SGCG: variants seen among roughly 807,000 people sequenced by gnomAD.
SGCG encodes the protein sarcoglycan gamma, also known as gamma-sarcoglycan.
A neutral mutation model predicts 29.3 loss-of-function variants in SGCG; 26 were observed. That is an observed-to-expected ratio of 0.89 (90% CI 0.65 to 1.23). The LOEUF is 1.23. Ranked by LOEUF, SGCG falls within the 50% of genes most tolerant of loss-of-function variation. The probability of loss-of-function intolerance (pLI) is 0.00; values close to 1 mark genes in which losing one functional copy is unlikely to be tolerated. For missense variants in SGCG, 353 were observed against 356.0 expected (o/e 0.99, Z 0.07); for synonymous variants, 145 against 129.7 (o/e 1.12, Z -0.80).
At chr13:23,209,804 C>G (rs966313165) in intron 2 of SGCG, among the ~76,000 whole-genome samples, 2 of 152,202 alleles carry the variant, frequency 1.3e-5, no homozygotes, top group African/African-American at 4.8e-5. Context: ...ATTTTCAGCT[C>G]TCTTCATAAA....
At chr13:23,198,704 G>T (rs1877615010) in intron 1 of SGCG, among the ~76,000 whole-genome samples, 1 of 151,860 alleles carries the variant, frequency 6.6e-6, no homozygotes, top group Admixed American at 6.6e-5. Context: ...AAATTAGCTG[G>T]ATGTGGTGGC....
intron 3 of SGCG, among the ~76,000 whole-genome samples, chr13:23,248,661 T>C (rs35421954): frequency 0.21 from 30,898 of 146,568 alleles, 3,233 homozygotes; most frequent in South Asian, 0.33. Flanking sequence ...GCCACTGCAC[T>C]CCAGCCTGGG....
At chr13:23,226,379 A>C (rs748901015) in intron 2 of SGCG, among the ~76,000 whole-genome samples, 21 of 152,178 alleles carry the variant, frequency 1.4e-4, no homozygotes, top group Non-Finnish European at 2.8e-4. Flanking sequence ...AAAACCAAGA[A>C]AAATATATCT....
At chr13:23,294,017 C>T (rs1881815324) in intron 5 of SGCG, among the ~76,000 whole-genome samples, 1 of 152,170 alleles carries the variant, frequency 6.6e-6, no homozygotes, top group Non-Finnish European at 1.5e-5. Flanking sequence ...AGCTCCTCAA[C>T]TTGCAATGGC....
rs1878965430 is a variant in SGCG at position 23,227,931 on chromosome 13, C to T, written c.196-6680C>T. On this transcript the variant is annotated intron_variant, in intron 2 of 7. Transcript: ENST00000218867. ...GCTCAAGGGATCCTCCCCGCTCAGC[C>T]TCCAGAGTACCTGAGACTACAGGCA... Among the ~76,000 whole-genome samples the T allele has an allele frequency of 1.3e-5, 2 of 152,170 alleles. 1 individual carries two copies. Among genetic ancestry groups the T allele is most frequent in the South Asian group, 4.1e-4 (2 of 4,820 alleles).
chr13:23,194,720 C>A lies in SGCG; in HGVS notation c.1-8975C>A, dbSNP rs557612755. Reference sequence around the variant, plus strand: ...GGATTGATGACATACCCTGATTGGTCAGCATGTACCACATACACACCTGTG... The same window carrying A: ...GGATTGATGACATACCCTGATTGGTAAGCATGTACCACATACACACCTGTG... On this transcript the variant is annotated intron_variant, in intron 1 of 7. Coordinates refer to ENST00000218867, the MANE Select transcript of SGCG (RefSeq NM_000231.3). Among the ~76,000 whole-genome samples, 16 of 152,316 alleles carry A rather than the reference C, an allele frequency of 1.1e-4. No homozygotes were observed. In the South Asian group the frequency reaches 3.3e-3, roughly 32 times the overall value.
At chr13:23,274,117 A>G (rs1403224410) in intron 4 of SGCG, among the ~76,000 whole-genome samples, 1 of 152,120 alleles carries the variant, frequency 6.6e-6, no homozygotes, top group Non-Finnish European at 1.5e-5. Flanking sequence ...CTTTTTTGTC[A>G]TATTTAACGC....
At chr13:23,305,554 T>C (rs1207097903) in intron 6 of SGCG, among the ~76,000 whole-genome samples, 9 of 152,252 alleles carry the variant, frequency 5.9e-5, no homozygotes, top group Non-Finnish European at 1.0e-4. Flanking sequence ...ATGTCCTCAA[T>C]GCAATGTGAG....
rs948028478 is a variant in SGCG, at chr13:23,324,618, A to G, written c.*77A>G. 77 of 1,320,472 alleles carry G rather than the reference A, an allele frequency of 5.8e-5. No individual in the cohort carries two copies. In the African/African-American group the frequency reaches 1.0e-3, roughly 17 times the overall value. 81.8% of individuals were successfully genotyped at this position (1,320,472 alleles called of 1,614,324 possible). On this transcript the variant is annotated 3_prime_UTR_variant, in exon 8 of 8. Coordinates refer to ENST00000218867, the MANE Select transcript of SGCG (RefSeq NM_000231.3). ...ACCCAGGGAGCAGCTGCACATCGTG[A>G]AAGACTGAGGCAGCGTGGATGGGAA... is the stretch of plus-strand genomic sequence containing the variant.
chr13:23,197,483 C>G (rs1379319605), intron 1 of SGCG, among the ~76,000 whole-genome samples: 1 of 152,106 alleles, frequency 6.6e-6, no homozygotes, highest in Non-Finnish European at 1.5e-5. Context: ...TTTGCTAAGC[C>G]CTCAGTCAGC....
intron 2 of SGCG, among the ~76,000 whole-genome samples, chr13:23,208,265 T>C (rs1387929440): frequency 6.6e-6 from 1 of 152,144 alleles, no homozygotes; most frequent in African/African-American, 2.4e-5. Flanking sequence ...GGCATGGCTT[T>C]CTCTGCTCAG....
intron 6 of SGCG, among the ~76,000 whole-genome samples, chr13:23,317,277 C>CTT (rs1882852353): frequency 6.6e-6 from 1 of 152,178 alleles, no homozygotes; most frequent in South Asian, 2.1e-4. Flanking sequence ...ATTAGGGCAT[C>CTT]TCTTAGTATT....
At chr13:23,279,976 C>T (rs1364149435) in intron 5 of SGCG, among the ~76,000 whole-genome samples, 1 of 152,136 alleles carries the variant, frequency 6.6e-6, no homozygotes, top group Non-Finnish European at 1.5e-5. Flanking sequence ...GATTCACCCA[C>T]CTTGGCCTCC....
At chr13:23,243,524 A>G (rs1300066898) in intron 3 of SGCG, 1 of 152,288 alleles carries the variant, frequency 6.6e-6, no homozygotes, top group African/African-American at 2.4e-5. Context: ...CGTGGAAAGC[A>G]GAAAAAGAAA....
chr13:23,273,163 G>A (rs1880930657), intron 4 of SGCG, among the ~76,000 whole-genome samples: 1 of 148,204 alleles, frequency 6.7e-6, no homozygotes, highest in South Asian at 2.2e-4. Context: ...CTATTTCTAG[G>A]CTTTTGAATT....
intron 1 of SGCG, among the ~76,000 whole-genome samples, chr13:23,189,221 G>A (rs1324339423): frequency 6.6e-6 from 1 of 152,226 alleles, no homozygotes; most frequent in Non-Finnish European, 1.5e-5. Context: ...CTGTCGTCCA[G>A]GCTGGAGTGC....
chr13:23,247,975 G>GT (rs1391571778), intron 3 of SGCG, among the ~76,000 whole-genome samples: 1 of 124,894 alleles, frequency 8.0e-6, no homozygotes, highest in Non-Finnish European at 1.7e-5. Flanking sequence ...AAAAAAAAAA[G>GT]TTTTTTAACA....
chr13:23,279,584 A>G (rs1239748665), intron 5 of SGCG, 106 bp downstream of exon 5: 1 of 1,158,490 alleles, frequency 8.6e-7, no homozygotes, highest in Non-Finnish European at 1.3e-6. Flanking sequence ...CAGATAAGAG[A>G]GTTTGAATGT....
intron 1 of SGCG, among the ~76,000 whole-genome samples, chr13:23,195,493 T>TTTTG (rs557210311): frequency 6.6e-6 from 1 of 152,114 alleles, no homozygotes; most frequent in Non-Finnish European, 1.5e-5. Context: ...AAATAAAGGT[T>TTTTG]TTTGTTTGTT....
Sources: gnomAD v4.1 joint callset for allele counts (sites outside exome capture counted in the v4.1 genomes callset) on GRCh38, gnomAD v4.1.1 for gene constraint, MANE v1.5 for transcripts, NCBI Gene and HGNC (gene_info 2026-07-23, HGNC 2026-07-21) for gene names.